ZDHHC7: variants seen among roughly 807,000 people sequenced by gnomAD.
The protein encoded by ZDHHC7 is zDHHC palmitoyltransferase 7.
In ZDHHC7, 12 loss-of-function variants were observed where a neutral mutation model predicts 34.1. The ratio of observed to expected loss-of-function variants is 0.35; its 90% confidence interval spans 0.23 to 0.57. The LOEUF is 0.57. Among genes scored for constraint, ZDHHC7 ranks in the 20% least tolerant of loss-of-function variants. The pLI, the probability that ZDHHC7 is intolerant of heterozygous loss-of-function variation, is 0.84. For synonymous variants in ZDHHC7, 185 were observed against 155.4 expected (o/e 1.19, Z -1.42); for missense variants, 388 against 402.7 (o/e 0.96, Z 0.31).
chr16:84,983,771 G>A (rs184136011), intron 3 of ZDHHC7, among the ~76,000 whole-genome samples: 1 of 152,096 alleles, frequency 6.6e-6, no homozygotes, highest in African/African-American at 2.4e-5. Context: ...GGAGGCTGAG[G>A]TGGGTGGATC....
At chr16:84,996,769 C>T (rs2072583862) in intron 1 of ZDHHC7, among the ~76,000 whole-genome samples, 2 of 152,128 alleles carry the variant, frequency 1.3e-5, no homozygotes, top group African/African-American at 4.8e-5. Flanking sequence ...TGGCTCACGC[C>T]TGTAATCCCA....
rs71151261 is a variant in ZDHHC7, at chr16:85,001,470, C to CAAAA, written c.-103-5467_-103-5464dup. Among the ~76,000 whole-genome samples, 24 of 95,392 alleles carry CAAAA rather than the reference C, an allele frequency of 2.5e-4. 2 individuals are homozygous for CAAAA. Among genetic ancestry groups the CAAAA allele is most frequent in the African/African-American group, 5.6e-4 (11 of 19,598 alleles). The allele number at this position is 95,392 out of a possible 152,430, so 62.6% of individuals were successfully genotyped here. Reference sequence around the variant, plus strand: ...TGGGCAAGAGAGCAAGACCCTGTCTCAAAAAAAAAAAAAATTAAGTAAATG... The same window carrying CAAAA: ...TGGGCAAGAGAGCAAGACCCTGTCTCAAAAAAAAAAAAAAAAAATTAAGTAAATG... On this transcript the variant is annotated intron_variant, in intron 1 of 7. Coordinates refer to ENST00000313732, the MANE Select transcript of ZDHHC7 (RefSeq NM_017740.3).
chr16:85,006,847 C>G (rs1166067715), intron 1 of ZDHHC7, among the ~76,000 whole-genome samples: 1 of 150,818 alleles, frequency 6.6e-6, no homozygotes, highest in Non-Finnish European at 1.5e-5. Context: ...CTCAACATTC[C>G]CCACTCTCTT....
intron 1 of ZDHHC7, among the ~76,000 whole-genome samples, chr16:84,999,841 T>TA (rs531029464): frequency 1.1e-3 from 161 of 152,228 alleles, no homozygotes; most frequent in Non-Finnish European, 1.8e-3. Context: ...AAAAGCCCAA[T>TA]AGACTATACA....
the ZDHHC7 span, among the ~76,000 whole-genome samples, chr16:85,021,279 G>A: frequency 1.8e-4 from 27 of 151,976 alleles, no homozygotes; most frequent in African/African-American, 6.5e-4. Context: ...GGGTGTGGTG[G>A]CGCACACCTT....
At chr16:84,998,729 G>C (rs1428396385) in intron 1 of ZDHHC7, among the ~76,000 whole-genome samples, 3 of 146,528 alleles carry the variant, frequency 2.0e-5, no homozygotes, top group Non-Finnish European at 4.5e-5. Flanking sequence ...CAGAGCTCCA[G>C]CTCTCAATCC....
chr16:85,020,354 G>A, the ZDHHC7 span, among the ~76,000 whole-genome samples: 1 of 152,230 alleles, frequency 6.6e-6, no homozygotes, highest in African/African-American at 2.4e-5. Flanking sequence ...AGACACATGA[G>A]TGAGCAAAGC....
chr16:84,977,292 G>T (rs879416043), intron 6 of ZDHHC7, 67 bp from the exon 7 acceptor site: 230 of 1,589,010 alleles, frequency 1.4e-4, no homozygotes, highest in Non-Finnish European at 2.0e-4. Context: ...GTTTGGCTCA[G>T]AGAAGAATCC....
intron 1 of ZDHHC7, among the ~76,000 whole-genome samples, chr16:84,999,877 T>C (rs917563872): frequency 6.6e-6 from 1 of 152,206 alleles, no homozygotes; most frequent in Non-Finnish European, 1.5e-5. Context: ...CCGGGCACAG[T>C]GGCTCATACC....
chr16:85,008,026 A>T (rs1396026483), intron 1 of ZDHHC7, among the ~76,000 whole-genome samples: 1 of 151,880 alleles, frequency 6.6e-6, no homozygotes, highest in African/African-American at 2.4e-5. Context: ...GAGGTAGAAG[A>T]AACCACTTGA....
At chr16:84,979,379 T>C (rs1170794844) in intron 4 of ZDHHC7, 94 bp from the exon 5 acceptor site, 8 of 1,491,118 alleles carry the variant, frequency 5.4e-6, no homozygotes, top group African/African-American at 1.4e-5. Context: ...AAAATTAGAA[T>C]GTATATTCTA....
chr16:85,001,705 C>G (rs1370396605), intron 1 of ZDHHC7, among the ~76,000 whole-genome samples: 1 of 152,144 alleles, frequency 6.6e-6, no homozygotes, highest in Non-Finnish European at 1.5e-5. Flanking sequence ...AACACACCAA[C>G]AGCCACCAGC....
chr16:85,021,578 C>A, the ZDHHC7 span, among the ~76,000 whole-genome samples: 36 of 151,708 alleles, frequency 2.4e-4, no homozygotes, highest in African/African-American at 8.0e-4. Flanking sequence ...AATAGCTGGG[C>A]ATGGTGGCAT....
chr16:84,990,537 A>T lies in ZDHHC7; in HGVS notation c.82T>A (p.Ser28Thr), dbSNP rs1256072683. Residue 28 changes from serine (S) to threonine (T), a missense_variant, in exon 3 of 8, where the codon TCC (serine) becomes ACC (threonine). By Grantham distance (58) the Ser-to-Thr change is moderately conservative (BLOSUM62 1). Coordinates refer to ENST00000313732, the MANE Select transcript of ZDHHC7 (RefSeq NM_017740.3). ...AENDNYDSSS[S>T]SSSEADVADR... ...GCCACGTCAGCCTCGGAGGAGGAGG[A>T]CGATGAAGAGTCATAGTTGTCATTT... The T allele has an allele frequency of 1.2e-6, 2 of 1,614,156 alleles. No individual in the cohort carries two copies. The highest frequency in any genetic ancestry group is 1.7e-6 in the Non-Finnish European group (2 of 1,180,026).
At chr16:85,025,423 G>C in the ZDHHC7 span, among the ~76,000 whole-genome samples, 29 of 53,426 alleles carry the variant, frequency 5.4e-4, no homozygotes, top group Middle Eastern at 0.01. Flanking sequence ...CCTTTTTTGG[G>C]GGGGGGGACT....
intron 5 of ZDHHC7, among the ~76,000 whole-genome samples, chr16:84,978,723 G>T (rs981174793): frequency 6.6e-6 from 1 of 152,008 alleles, no homozygotes; most frequent in Non-Finnish European, 1.5e-5. Context: ...TTAGCCAGGC[G>T]TGGTGGTACA....
intron 1 of ZDHHC7, among the ~76,000 whole-genome samples, chr16:85,010,439 C>T (rs539125609): frequency 2.0e-5 from 3 of 152,152 alleles, no homozygotes; most frequent in Non-Finnish European, 4.4e-5. Flanking sequence ...AATATTAATA[C>T]ACATTGACCT....
chr16:84,979,168 T>C (rs912358810), intron 5 of ZDHHC7, 21 bp downstream of exon 5: 3 of 1,580,100 alleles, frequency 1.9e-6, no homozygotes, highest in Admixed American at 2.0e-5. Flanking sequence ...GTAAATTCAA[T>C]ACAAAAATAT....
intron 1 of ZDHHC7, among the ~76,000 whole-genome samples, chr16:85,006,070 A>T (rs990326714): frequency 2.0e-5 from 3 of 152,202 alleles, no homozygotes; most frequent in Non-Finnish European, 2.9e-5. Context: ...CACCGTTCAA[A>T]ATCACAGCAC....
Sources: allele counts gnomAD v4.1 joint callset (sites outside exome capture counted in the v4.1 genomes callset), GRCh38; gene constraint gnomAD v4.1.1; transcripts MANE v1.5; gene names NCBI Gene and HGNC (gene_info 2026-07-23, HGNC 2026-07-21).